ACSL5: variants seen among roughly 807,000 people sequenced by gnomAD.
ACSL5 encodes acyl-CoA synthetase long chain family member 5, also known as long-chain-fatty-acid--CoA ligase 5.
Under a neutral mutation model 84.9 loss-of-function variants are expected in ACSL5, and 50 were observed. That is an observed-to-expected ratio of 0.59 (90% confidence interval 0.47 to 0.75). The LOEUF is 0.75. Ranked by LOEUF, ACSL5 falls within the 30% of genes least tolerant of loss-of-function variation. The pLI is 0.00. For missense variants in ACSL5, 775 were observed against 830.4 expected (o/e 0.93, Z 0.82); for synonymous variants, 280 against 300.7 (o/e 0.93, Z 0.71).
chr10:112,393,725 A>G (rs1437858022), intron 1 of ACSL5, among the ~76,000 whole-genome samples: 1 of 152,220 alleles, frequency 6.6e-6, no homozygotes, highest in Non-Finnish European at 1.5e-5. Context: ...TGTCACCTGG[A>G]AGGTGCTAGA....
chr10:112,379,961 G>T (rs1668928677), intron 1 of ACSL5, among the ~76,000 whole-genome samples: 1 of 152,100 alleles, frequency 6.6e-6, no homozygotes, highest in South Asian at 2.1e-4. Context: ...CAGGTGACAG[G>T]GTCCTAGCAC....
Position 112,387,374 on chromosome 10 carries a change from G to A in ACSL5, c.-29-7544G>A, listed in dbSNP as rs539958831. Among the ~76,000 whole-genome samples the A allele has an allele frequency of 7.9e-5, 12 of 152,308 alleles. No individual in the cohort carries two copies. In the South Asian group the frequency reaches 2.5e-3, roughly 32 times the overall value. ...TGGTTCACGTTCATAGCATATAAAGGAAAAGGTTATCAGCTCTTTCCAGGT... is the reference window on the plus strand; with the variant it reads ...TGGTTCACGTTCATAGCATATAAAGAAAAAGGTTATCAGCTCTTTCCAGGT... On this transcript the variant is annotated intron_variant, in intron 1 of 20. Coordinates refer to ENST00000354655, the MANE Select transcript of ACSL5 (RefSeq NM_203379.2).
chr10:112,385,223 T>C (rs1849426358), intron 1 of ACSL5, among the ~76,000 whole-genome samples: 1 of 152,230 alleles, frequency 6.6e-6, no homozygotes, highest in African/African-American at 2.4e-5. Context: ...ATTACTGCCA[T>C]TTTATAGATG....
chr10:112,412,230 A>G, intron 11 of ACSL5: 1 of 457,870 alleles, frequency 2.2e-6, no homozygotes, highest in Non-Finnish European at 3.9e-6. Context: ...GTGTGAGTCT[A>G]GTGACATCAC....
chr10:112,410,419 C>T, intron 7 of ACSL5, 44 bp from the exon 8 acceptor site: 1 of 1,612,764 alleles, frequency 6.2e-7, no homozygotes, highest in Non-Finnish European at 8.5e-7. Context: ...ACAGTCTGTC[C>T]ATCTCAACTA....
chr10:112,413,402 C>T (rs1262170566), intron 12 of ACSL5, 95 bp downstream of exon 12: 1 of 1,422,724 alleles, frequency 7.0e-7, no homozygotes, highest in Non-Finnish European at 9.8e-7. Context: ...TACCTCCACC[C>T]TCTACAAGTA....
rs1420198250 is a variant in ACSL5 at position 112,409,520 on chromosome 10, GGTGAT to G, written c.547_551del (p.Val183LeufsTer2). On this transcript the variant is annotated frameshift_variant, in exon 7 of 21. Transcript: ENST00000354655. LOFTEE classifies it high-confidence loss of function. The stretch of plus-strand genomic sequence containing the variant: ...TTTGGCTTCCAGCTGATATCGCCAT[GGTGAT>G]CTGTGACACACCCCAAAAGGCATTG... The G allele has an allele frequency of 1.2e-6, 2 of 1,613,428 alleles. No individual in the cohort carries two copies. The highest frequency in any genetic ancestry group is 8.5e-7 in the Non-Finnish European group (1 of 1,179,936).
intron 12 of ACSL5, 100 bp from the exon 13 acceptor site, chr10:112,416,788 C>A: frequency 2.3e-6 from 3 of 1,331,018 alleles, no homozygotes; most frequent in South Asian, 1.3e-5. Context: ...ACTGTGAGAC[C>A]ACTTCCTTAT....
Position 112,421,935 on chromosome 10 carries a change from G to C in ACSL5, c.1388-12G>C. ...AAGAGTTTCTCAGCTAATTCAGCACGGTATGTTCTAGGTCACGTTGGGGTG... is the reference window on the plus strand; with the variant it reads ...AAGAGTTTCTCAGCTAATTCAGCACCGTATGTTCTAGGTCACGTTGGGGTG... On this transcript the variant is annotated splice_polypyrimidine_tract_variant and intron_variant, in intron 15 of 20. Coordinates refer to ENST00000354655, the MANE Select transcript of ACSL5 (RefSeq NM_203379.2). 1 of 1,613,564 alleles carries C rather than the reference G, an allele frequency of 6.2e-7. No homozygotes were observed. Among genetic ancestry groups the C allele is most frequent in the Non-Finnish European group, 8.5e-7 (1 of 1,179,504 alleles).
In ACSL5 at chr10:112,395,105, A is replaced by G; in HGVS notation, c.156+3A>G. 6.2e-7 allele frequency: 1 copy of G among 1,610,382 alleles called. No individual in the cohort carries two copies. Among genetic ancestry groups the G allele is most frequent in the Non-Finnish European group, 8.5e-7 (1 of 1,177,154 alleles). ...ACAATCAGTCTGTGGGAATTGAGGTAATTTACCAGTCATCCTTTTAGTTTG... is the reference window on the plus strand; with the variant it reads ...ACAATCAGTCTGTGGGAATTGAGGTGATTTACCAGTCATCCTTTTAGTTTG... On this transcript the variant is annotated splice_donor_region_variant and intron_variant, in intron 2 of 20. Transcript: ENST00000354655.
At chr10:112,404,402 C>T in intron 3 of ACSL5, 109 bp from the exon 4 acceptor site, 2 of 778,942 alleles carry the variant, frequency 2.6e-6, no homozygotes, top group South Asian at 1.7e-5. Context: ...AGCTCAAATC[C>T]TTGTTGGACT....
intron 12 of ACSL5, 107 bp downstream of exon 12, chr10:112,413,414 C>G: frequency 1.5e-6 from 2 of 1,346,176 alleles, no homozygotes; most frequent in South Asian, 2.6e-5. Context: ...CTACAAGTAT[C>G]TACGTAAAGC....
Position 112,410,645 on chromosome 10 carries a change from C to A in ACSL5, c.796+10C>A. On this transcript the variant is annotated intron_variant, in intron 9 of 20. Transcript: ENST00000354655. ...ACCAGTGGGACCACAGGTCTGTGCC[C>A]ATGAAACTGAACCTTAGACCCCTGG... The A allele has an allele frequency of 6.2e-7, 1 of 1,612,110 alleles. No individual in the cohort carries two copies. The highest frequency in any genetic ancestry group is 1.3e-5 in the African/African-American group (1 of 74,988).
chr10:112,421,658 G>T lies in ACSL5; in HGVS notation c.1380G>T (p.Trp460Cys). The change falls in exon 15 of 21, where the codon TGG (tryptophan) becomes TGT (cysteine). Residue 460 changes from tryptophan to cysteine, a missense_variant. Physicochemically the swap from Trp to Cys is radical, Grantham distance 215. Transcript: ENST00000354655. ...GTACATTTACATTACCTGGGGACTG[G>T]ACATCAGGTAAGTCCTCCATCTGCT... is the stretch of plus-strand genomic sequence containing the variant. ...GGCTFTLPGD[W>C]TSGHVGVPLA... 6.2e-7 allele frequency: 1 copy of T among 1,613,776 alleles called. No individual in the cohort carries two copies. The highest frequency in any genetic ancestry group is 8.5e-7 in the Non-Finnish European group (1 of 1,179,656).
In ACSL5 at chr10:112,416,935, G is replaced by T. The variant is rs11812261; in HGVS notation, c.1131G>T (p.Leu377=). 3 of 1,613,944 alleles carry T rather than the reference G, an allele frequency of 1.9e-6. No homozygotes were observed. The highest frequency in any genetic ancestry group is 1.7e-6 in the Non-Finnish European group (2 of 1,179,998). Residue 377 remains leucine, a synonymous_variant, in exon 13 of 21, where the codon CTG becomes CTT. Transcript: ENST00000354655. ...KTPLKKFLLK[L]AVSSKFKELQ... ...CCTTGAAGAAGTTCTTGTTGAAGCT[G>T]GCTGTTTCCAGTAAATTCAAAGAGC...
chr10:112,393,867 G>A (rs1213116316), intron 1 of ACSL5, among the ~76,000 whole-genome samples: 2 of 152,200 alleles, frequency 1.3e-5, no homozygotes, highest in Admixed American at 6.5e-5. Context: ...ATCCCAAAGC[G>A]TCCATTTACT....
At chr10:112,391,575 G>A (rs1450141296) in intron 1 of ACSL5, among the ~76,000 whole-genome samples, 2 of 152,154 alleles carry the variant, frequency 1.3e-5, no homozygotes, top group Admixed American at 1.3e-4. Flanking sequence ...GCTTTGAAAT[G>A]TGTAAATATC....
chr10:112,411,611 GACACACACACACACATAC>G lies in ACSL5; in HGVS notation c.870+98_870+115del, dbSNP rs1048587694. 983 of 1,163,064 alleles carry G rather than the reference GACACACACACACACATAC, an allele frequency of 8.5e-4. 9 individuals are homozygous for G. In the Middle Eastern group the frequency reaches 0.015, roughly 17 times the overall value. 72.0% of individuals were successfully genotyped at this position (1,163,064 alleles called of 1,614,324 possible). ...TTTATTTTTGAGGTTAGAGCAGGCA[GACACACACACACACATAC>G]ACACACACACACACACACGTTAAAG... is the stretch of plus-strand genomic sequence containing the variant. On this transcript the variant is annotated intron_variant, in intron 10 of 20. Coordinates refer to ENST00000354655, the MANE Select transcript of ACSL5 (RefSeq NM_203379.2).
intron 10 of ACSL5, 34 bp from the exon 11 acceptor site, chr10:112,411,868 A>T: frequency 6.3e-7 from 1 of 1,575,972 alleles, no homozygotes; most frequent in Non-Finnish European, 8.7e-7. Context: ...CATTAATCTC[A>T]TGTTGCCTCC....
Sources: allele counts gnomAD v4.1 joint callset (sites outside exome capture counted in the v4.1 genomes callset), GRCh38; gene constraint gnomAD v4.1.1; transcripts MANE v1.5; gene names NCBI Gene and HGNC (gene_info 2026-07-23, HGNC 2026-07-21).